Variants in DPH6 observed in about 807,000 individuals in gnomAD.
DPH6 encodes diphthine--ammonia ligase.
DPH6 carries 33 observed loss-of-function variants against 38.2 expected under a neutral mutation model. The ratio of observed to expected loss-of-function variants is 0.86; its 90% CI spans 0.65 to 1.15. DPH6 has a LOEUF of 1.15. DPH6 is among the 50% of genes most tolerant of loss of function. The pLI, the probability that DPH6 is intolerant of heterozygous loss-of-function variation, is 0.00. For missense variants in DPH6, 325 were observed against 320.0 expected, an observed-to-expected ratio of 1.02 and a Z score of -0.12; for synonymous variants, 108 against 103.0, an observed-to-expected ratio of 1.05 and a Z score of -0.30.
chr15:35,172,158 G>A, the DPH6 span, among the ~76,000 whole-genome samples: 2 of 152,078 alleles, frequency 1.3e-5, no homozygotes, highest in Admixed American at 6.6e-5. Flanking sequence ...GAGCCACCAC[G>A]CCCAGCCTAA....
At chr15:35,381,595 G>A (rs956108391) in intron 7 of DPH6, among the ~76,000 whole-genome samples, 3 of 152,170 alleles carry the variant, frequency 2.0e-5, no homozygotes, top group East Asian at 3.9e-4. Context: ...GCAAGTAAAC[G>A]AAAGTGCAAT....
At chr15:35,471,876 A>G (rs1332422967) in intron 3 of DPH6, among the ~76,000 whole-genome samples, 4 of 152,238 alleles carry the variant, frequency 2.6e-5, no homozygotes, top group Admixed American at 6.5e-5. Flanking sequence ...GCATCCACAT[A>G]GTGTGCAGTA....
At chr15:35,352,081 G>A (rs997739860) in intron 3 of DPH6, among the ~76,000 whole-genome samples, 16 of 152,050 alleles carry the variant, frequency 1.1e-4, no homozygotes, top group Non-Finnish European at 2.9e-5. Context: ...CAGTTATTCT[G>A]ACTACTTCTG....
chr15:35,428,096 A>G (rs1014098075), intron 5 of DPH6, among the ~76,000 whole-genome samples: 5 of 152,076 alleles, frequency 3.3e-5, no homozygotes, highest in African/African-American at 1.2e-4. Flanking sequence ...GGAAAGCCAC[A>G]CGAGTTTAAT....
At chr15:35,284,428 A>T (rs1157326314) in intron 3 of DPH6, among the ~76,000 whole-genome samples, 1 of 152,120 alleles carries the variant, frequency 6.6e-6, no homozygotes, top group Non-Finnish European at 1.5e-5. Context: ...ACGTGTCTAC[A>T]TTACGGACTA....
intron 4 of DPH6, among the ~76,000 whole-genome samples, chr15:35,451,245 T>C (rs1895512840): frequency 6.6e-6 from 1 of 152,164 alleles, no homozygotes; most frequent in Non-Finnish European, 1.5e-5. Flanking sequence ...CTTTGAATTT[T>C]TTTTTAAGAA....
chr15:35,401,452 G>A, intron 6 of DPH6: 1 of 773,876 alleles, frequency 1.3e-6, no homozygotes, highest in South Asian at 1.4e-5. Context: ...CAGGGGCTAT[G>A]GAAGTGGTGG....
intron 3 of DPH6, among the ~76,000 whole-genome samples, chr15:35,515,229 C>T (rs1266486090): frequency 6.6e-6 from 1 of 151,896 alleles, no homozygotes; most frequent in Non-Finnish European, 1.5e-5. Context: ...CATGTGACTT[C>T]TTTTCCTCTC....
chr15:35,403,943 T>A (rs1366792209), intron 6 of DPH6, among the ~76,000 whole-genome samples: 4 of 152,060 alleles, frequency 2.6e-5, no homozygotes, highest in Non-Finnish European at 4.4e-5. Context: ...TTGTTTTGAT[T>A]TTTAGATCCC....
downstream of DPH6, among the ~76,000 whole-genome samples, chr15:35,214,628 G>A (rs976284246): frequency 6.6e-6 from 1 of 151,384 alleles, no homozygotes; most frequent in African/African-American, 2.4e-5. Flanking sequence ...TTTTTTTGAG[G>A]CAGAGTTTCA....
intron 6 of DPH6, among the ~76,000 whole-genome samples, chr15:35,385,632 G>T (rs933348965): frequency 2.0e-5 from 3 of 152,012 alleles, no homozygotes; most frequent in African/African-American, 7.2e-5. Flanking sequence ...GGGGCTAGGG[G>T]AGGGATAGCA....
At chr15:35,301,779 C>T (rs1011848913) in intron 3 of DPH6, among the ~76,000 whole-genome samples, 4 of 152,068 alleles carry the variant, frequency 2.6e-5, no homozygotes, top group Non-Finnish European at 5.9e-5. Context: ...TTGAGACCGG[C>T]CTGGCTAACA....
rs2052714559 is a variant in DPH6 at position 35,371,652 on chromosome 15, T to C, written c.*498A>G. On this transcript the variant is annotated 3_prime_UTR_variant, in exon 9 of 9. Coordinates refer to ENST00000256538, the MANE Select transcript of DPH6 (RefSeq NM_080650.4). ...CATTCTTCCTAATTGTCCAATAACG[T>C]TGAAACACTTCAACCATGAATATAT... 2 of 985,114 alleles carry C rather than the reference T, an allele frequency of 2.0e-6. No individual in the cohort carries two copies. The highest frequency in any genetic ancestry group is 1.2e-6 in the Non-Finnish European group (1 of 829,804). 61.0% of individuals were successfully genotyped at this position (985,114 alleles called of 1,614,324 possible).
At chr15:35,160,496 G>C in the DPH6 span, among the ~76,000 whole-genome samples, 1 of 151,804 alleles carries the variant, frequency 6.6e-6, no homozygotes, top group Admixed American at 6.6e-5. Context: ...TGTTACATGG[G>C]TAAATTGCAT....
At chr15:35,231,234 C>T (rs1217902531) in intron 3 of DPH6, among the ~76,000 whole-genome samples, 3 of 152,204 alleles carry the variant, frequency 2.0e-5, no homozygotes, top group Admixed American at 2.0e-4. Flanking sequence ...TTAAATGCTC[C>T]CTCCTTGGGT....
chr15:35,254,676 C>T (rs906795275), intron 3 of DPH6, among the ~76,000 whole-genome samples: 1 of 151,858 alleles, frequency 6.6e-6, no homozygotes, highest in Non-Finnish European at 1.5e-5. Context: ...GTTTCATGCG[C>T]GTCCGTGTGA....
intron 3 of DPH6, among the ~76,000 whole-genome samples, chr15:35,518,714 T>C (rs2054881337): frequency 6.6e-6 from 1 of 152,026 alleles, no homozygotes; most frequent in Non-Finnish European, 1.5e-5. Context: ...AATTGCCAGA[T>C]AGGACTTTTA....
intron 3 of DPH6, among the ~76,000 whole-genome samples, chr15:35,264,162 G>A (rs2051768576): frequency 6.6e-6 from 1 of 150,584 alleles, no homozygotes; most frequent in Non-Finnish European, 1.5e-5. Context: ...CTTCTTAGTT[G>A]CCTCCACTCT....
chr15:35,328,555 A>G (rs2052303164), downstream of DPH6, among the ~76,000 whole-genome samples: 1 of 152,206 alleles, frequency 6.6e-6, no homozygotes, highest in Non-Finnish European at 1.5e-5. Context: ...TGGCTGACCA[A>G]AAGAAGAAAA....
Sources: gnomAD v4.1 joint callset for allele counts (sites outside exome capture counted in the v4.1 genomes callset) on GRCh38, gnomAD v4.1.1 for gene constraint, MANE v1.5 for transcripts, NCBI Gene and HGNC (gene_info 2026-07-23, HGNC 2026-07-21) for gene names.